The following EDIL3 variants were observed in gnomAD, a reference collection of about 807,000 sequenced individuals.
EDIL3 encodes the protein EGF-like repeat and discoidin I-like domain-containing protein 3.
A neutral mutation model predicts 67.4 loss-of-function variants in EDIL3; 37 were observed. That is an observed-to-expected ratio of 0.55 (90% CI 0.42 to 0.72). EDIL3 has a LOEUF of 0.72. EDIL3 is among the 30% of genes least tolerant of loss of function. The probability of loss-of-function intolerance (pLI) is 0.00; values close to 1 mark genes in which losing one functional copy is unlikely to be tolerated. For synonymous variants in EDIL3, 195 were observed against 196.3 expected (o/e 0.99, Z 0.05); for missense variants, 527 against 586.3 (o/e 0.90, Z 1.04).
intron 9 of EDIL3, among the ~76,000 whole-genome samples, chr5:84,021,508 T>G (rs1481609703): frequency 6.6e-6 from 1 of 152,020 alleles, no homozygotes; most frequent in Non-Finnish European, 1.5e-5. Flanking sequence ...TATATATAGT[T>G]TCCAAAGTTC....
chr5:84,037,839 C>A (rs1385200203), intron 9 of EDIL3, among the ~76,000 whole-genome samples: 1 of 151,910 alleles, frequency 6.6e-6, no homozygotes, highest in African/African-American at 2.4e-5. Context: ...AAGTCTTTCA[C>A]CATGAATTAA....
Position 84,034,332 on chromosome 5 carries a change from G to A in EDIL3, c.1137+25968C>T, listed in dbSNP as rs138987263. ...TATTTAAAAAATTAAACTAAGCTTT[G>A]ATTTTTCTCAAAGACTGAAGGATAT... On this transcript the variant is annotated intron_variant, in intron 9 of 10. Coordinates refer to ENST00000296591, the MANE Select transcript of EDIL3 (RefSeq NM_005711.5). 7.4e-4 allele frequency among the ~76,000 whole-genome samples: 112 copies of A among 152,066 alleles called. No homozygotes were observed. In the East Asian group the frequency reaches 0.02, roughly 28 times the overall value.
At chr5:84,031,530 G>A (rs929328468) in intron 9 of EDIL3, among the ~76,000 whole-genome samples, 2 of 152,068 alleles carry the variant, frequency 1.3e-5, no homozygotes, top group South Asian at 4.2e-4. Flanking sequence ...AAGGTAATTC[G>A]GTCATGAATG....
chr5:84,179,791 C>A (rs894274214), intron 4 of EDIL3, among the ~76,000 whole-genome samples: 2 of 152,108 alleles, frequency 1.3e-5, no homozygotes, highest in East Asian at 3.9e-4. Flanking sequence ...AGGCACCACA[C>A]CATTCCTTTG....
chr5:84,361,837 G>A (rs1747618702), intron 1 of EDIL3, among the ~76,000 whole-genome samples: 1 of 151,800 alleles, frequency 6.6e-6, no homozygotes, highest in Non-Finnish European at 1.5e-5. Context: ...ACAAAGTAAT[G>A]TATGAGTAAA....
intron 6 of EDIL3, among the ~76,000 whole-genome samples, chr5:84,086,596 C>T (rs1028912539): frequency 1.3e-5 from 2 of 152,264 alleles, no homozygotes; most frequent in East Asian, 1.9e-4. Flanking sequence ...TGTTTCTATT[C>T]GGCCATCTTG....
intron 4 of EDIL3, among the ~76,000 whole-genome samples, chr5:84,168,976 C>T (rs1333070554): frequency 6.6e-6 from 1 of 152,110 alleles, no homozygotes; most frequent in Non-Finnish European, 1.5e-5. Context: ...TTTCTGCCCA[C>T]TCTCTTAATC....
rs574997204 is a variant in EDIL3, at chr5:84,034,782, G to A, written c.1137+25518C>T. 1.1e-4 allele frequency among the ~76,000 whole-genome samples: 16 copies of A among 152,120 alleles called. No individual in the cohort carries two copies. In the South Asian group the frequency reaches 2.5e-3, roughly 24 times the overall value. On this transcript the variant is annotated intron_variant, in intron 9 of 10. Coordinates refer to ENST00000296591, the MANE Select transcript of EDIL3 (RefSeq NM_005711.5). ...GCTAATAAGGATAGTAAAATGCAGA[G>A]CTAGAAATTTGAATTGCAGTAATTT...
intron 4 of EDIL3, among the ~76,000 whole-genome samples, chr5:84,155,378 A>G (rs538331375): frequency 6.6e-6 from 1 of 152,200 alleles, no homozygotes; most frequent in Non-Finnish European, 1.5e-5. Flanking sequence ...TTAACCTGTT[A>G]CATCTCTTAG....
At chr5:84,296,136 T>C (rs1746048162) in intron 1 of EDIL3, among the ~76,000 whole-genome samples, 1 of 152,208 alleles carries the variant, frequency 6.6e-6, no homozygotes, top group South Asian at 2.1e-4. Flanking sequence ...ACACATCAGT[T>C]ACCTACTTTT....
chr5:84,162,416 G>C (rs1748629670), intron 4 of EDIL3, among the ~76,000 whole-genome samples: 1 of 152,048 alleles, frequency 6.6e-6, no homozygotes, highest in South Asian at 2.1e-4. Context: ...CCATTCTCTA[G>C]TTTCTTTTGA....
At chr5:84,271,270 C>T (rs1745467727) in intron 1 of EDIL3, among the ~76,000 whole-genome samples, 2 of 151,830 alleles carry the variant, frequency 1.3e-5, no homozygotes, top group South Asian at 2.1e-4. Flanking sequence ...AAAAATTAGC[C>T]GGGCTTGGTG....
At chr5:84,373,707 G>A (rs563473024) in intron 1 of EDIL3, among the ~76,000 whole-genome samples, 48 of 152,112 alleles carry the variant, frequency 3.2e-4, no homozygotes, top group Non-Finnish European at 5.3e-4. Context: ...AGACCAGGTT[G>A]GGAAAAACAC....
At chr5:84,246,333 C>A (rs1478470005) in intron 2 of EDIL3, among the ~76,000 whole-genome samples, 2 of 152,210 alleles carry the variant, frequency 1.3e-5, no homozygotes, top group Non-Finnish European at 2.9e-5. Context: ...GCCACTGCCA[C>A]TACGTAATAG....
At chr5:84,203,895 T>A (rs1030953868) in intron 3 of EDIL3, among the ~76,000 whole-genome samples, 1 of 152,142 alleles carries the variant, frequency 6.6e-6, no homozygotes, top group East Asian at 1.9e-4. Flanking sequence ...AAACATTTTT[T>A]AAAAAAATAC....
chr5:84,105,160 A>T (rs953542526), intron 6 of EDIL3, among the ~76,000 whole-genome samples: 1 of 152,108 alleles, frequency 6.6e-6, no homozygotes, highest in African/African-American at 2.4e-5. Flanking sequence ...TGCATATTTT[A>T]AACCTTAATC....
chr5:84,064,910 CT>C, intron 7 of EDIL3, 66 bp from the exon 8 acceptor site: 4 of 1,455,854 alleles, frequency 2.7e-6, no homozygotes, highest in Non-Finnish European at 3.6e-6. Context: ...CATATTTACC[CT>C]ATCTATACCT....
chr5:84,229,793 A>G (rs1744530008), intron 3 of EDIL3, 62 bp downstream of exon 3: 3 of 1,495,668 alleles, frequency 2.0e-6, no homozygotes, highest in Admixed American at 4.1e-5. Context: ...CAAAAGGTTG[A>G]CTCTCTATTA....
At chr5:84,262,133 C>T (rs1745233888) in intron 1 of EDIL3, among the ~76,000 whole-genome samples, 1 of 152,148 alleles carries the variant, frequency 6.6e-6, no homozygotes, top group Non-Finnish European at 1.5e-5. Flanking sequence ...AAAGGACATT[C>T]GAAATGAACT....
Sources: allele counts gnomAD v4.1 joint callset (sites outside exome capture counted in the v4.1 genomes callset), GRCh38; gene constraint gnomAD v4.1.1; transcripts MANE v1.5; gene names NCBI Gene and HGNC (gene_info 2026-07-23, HGNC 2026-07-21).